Variants in CCNY observed in about 807,000 individuals in gnomAD.
The protein encoded by CCNY is cyclin Y.
CCNY carries 19 observed loss-of-function variants against 42.8 expected under a neutral mutation model. The observed-to-expected ratio is 0.44, with a 90% CI of 0.31 to 0.65. CCNY has a LOEUF of 0.65. CCNY is among the 30% of genes least tolerant of loss of function. CCNY has a pLI of 0.07. For missense variants in CCNY, 370 were observed against 437.3 expected, an observed-to-expected ratio of 0.85 and a Z score of 1.37; for synonymous variants, 165 against 162.7, an observed-to-expected ratio of 1.01 and a Z score of -0.11.
At chr10:35,504,589 T>A (rs1840176824) in intron 3 of CCNY, among the ~76,000 whole-genome samples, 1 of 152,194 alleles carries the variant, frequency 6.6e-6, no homozygotes, top group Non-Finnish European at 1.5e-5. Context: ...CACCTATGTT[T>A]TAGATGTAAT....
chr10:35,497,068 G>T (rs1302421359), intron 2 of CCNY, among the ~76,000 whole-genome samples: 1 of 152,166 alleles, frequency 6.6e-6, no homozygotes, highest in Non-Finnish European at 1.5e-5. Flanking sequence ...AACTATCATA[G>T]ATTGTGTCAA....
Position 35,426,111 on chromosome 10 carries a change from G to GCGCA in CCNY, c.155-57292_155-57291insGCAC, listed in dbSNP as rs1371722726. The stretch of plus-strand genomic sequence containing the variant: ...TTCTCCCTTCACTGGTCCAGCACGC[G>GCGCA]CACACACACACACACACACACACAC... On this transcript the variant is annotated intron_variant, in intron 1 of 9. Coordinates refer to ENST00000374704, the MANE Select transcript of CCNY (RefSeq NM_145012.6). Among the ~76,000 whole-genome samples the GCGCA allele has an allele frequency of 5.8e-3, 466 of 80,492 alleles. 11 individuals are homozygous for GCGCA. The highest frequency in any genetic ancestry group is 0.024 in the African/African-American group (442 of 18,800). 52.8% of individuals were successfully genotyped at this position (80,492 alleles called of 152,430 possible). A position where few individuals can be genotyped will look rare whatever the true frequency, so the allele number is the denominator to read the frequency against.
At chr10:35,335,241 C>T (rs1034801540), upstream of CCNY, among the ~76,000 whole-genome samples, 2 of 152,142 alleles carry the variant, frequency 1.3e-5, no homozygotes, top group African/African-American at 2.4e-5. Context: ...CTACTTCTCT[C>T]CCAGCCAGGC....
At chr10:35,388,961 T>G (rs985278911) in intron 1 of CCNY, among the ~76,000 whole-genome samples, 1 of 152,208 alleles carries the variant, frequency 6.6e-6, no homozygotes, top group Non-Finnish European at 1.5e-5. Flanking sequence ...CTCTTCTGCC[T>G]TCTTCTTCCA....
intron 1 of CCNY, among the ~76,000 whole-genome samples, chr10:35,383,432 C>T (rs909941520): frequency 2.0e-5 from 3 of 151,956 alleles, no homozygotes; most frequent in African/African-American, 7.3e-5. Context: ...CCCAGCCTCC[C>T]GAGTAGCTGG....
At chr10:35,250,940 T>C (rs1250706528) in intron 3 of CCNY, 1 of 152,232 alleles carries the variant, frequency 6.6e-6, no homozygotes, top group African/African-American at 2.4e-5. Context: ...TTAAGGTGAA[T>C]GTCATCTCAA....
At chr10:35,446,834 A>G (rs186451492) in intron 1 of CCNY, among the ~76,000 whole-genome samples, 4 of 152,194 alleles carry the variant, frequency 2.6e-5, no homozygotes, top group African/African-American at 9.7e-5. Context: ...GTAATAAGCA[A>G]TTTGTCTCTT....
chr10:35,269,511 C>A (rs1370313237), intron 3 of CCNY, among the ~76,000 whole-genome samples: 1 of 151,942 alleles, frequency 6.6e-6, no homozygotes, highest in East Asian at 1.9e-4. Flanking sequence ...GCCATGTTGG[C>A]CAGGCTGAGT....
intron 3 of CCNY, among the ~76,000 whole-genome samples, chr10:35,324,221 A>G (rs1835855107): frequency 6.6e-6 from 1 of 152,184 alleles, no homozygotes; most frequent in South Asian, 2.1e-4. Context: ...AGAGCTTTAC[A>G]GTACCTGCTT....
rs112500058 is a variant in CCNY, at chr10:35,317,546, C to T, written c.-9+66920C>T. 3.4e-3 allele frequency among the ~76,000 whole-genome samples: 512 copies of T among 152,318 alleles called. 4 individuals carry two copies. The highest frequency in any genetic ancestry group is 0.012 in the African/African-American group (482 of 41,572). ...GGTTTGAGTTAGGACCAGGAAAATT[C>T]CAAGCTGGTTTCTGACCTTTGAATC... On this transcript the variant is annotated intron_variant, in intron 3 of 11. Coordinates refer to the CCNY transcript ENST00000374706.
rs140347668 is a variant in CCNY, at chr10:35,360,584, A to C, written c.154+23377A>C. The stretch of plus-strand genomic sequence containing the variant: ...GGTGTGAGTCACTGTGCTCTGCCTA[A>C]ATTTTATCTTTTAAAAGTAGTATTT... On this transcript the variant is annotated intron_variant, in intron 1 of 9. Coordinates refer to ENST00000374704, the MANE Select transcript of CCNY (RefSeq NM_145012.6). Among the ~76,000 whole-genome samples, 501 of 151,738 alleles carry C rather than the reference A, an allele frequency of 3.3e-3. 4 individuals carry two copies. Among genetic ancestry groups the C allele is most frequent in the African/African-American group, 0.011 (473 of 41,388 alleles).
chr10:35,266,956 CA>C, intron 3 of CCNY, among the ~76,000 whole-genome samples: 1 of 151,894 alleles, frequency 6.6e-6, no homozygotes. Context: ...GTGGCAGGCA[CA>C]TGTAATCCCA....
At position 35,427,642 on chromosome 10, in the gene CCNY, A is replaced by G. The variant is rs1252769615; in HGVS notation, c.155-55762A>G. On this transcript the variant is annotated intron_variant, in intron 1 of 9. Transcript: ENST00000374704. ...ATACACACATACATATGTTACATAT[A>G]TAGAAGGAAAATTTGCTGTGACCCA... Among the ~76,000 whole-genome samples the G allele has an allele frequency of 3.9e-5, 6 of 152,266 alleles. 1 individual carries two copies. The South Asian group carries it at 1.0e-3, about 26-fold the overall frequency.
intron 1 of CCNY, among the ~76,000 whole-genome samples, chr10:35,341,961 C>T (rs1836191293): frequency 1.3e-5 from 2 of 152,196 alleles, no homozygotes; most frequent in East Asian, 1.9e-4. Context: ...GACTCAAATG[C>T]TCAATTAACC....
chr10:35,331,136 T>G (rs1448637518), intron 3 of CCNY, among the ~76,000 whole-genome samples: 3 of 152,220 alleles, frequency 2.0e-5, no homozygotes, highest in African/African-American at 7.2e-5. Flanking sequence ...TGTGGCCAGC[T>G]GTCATCTTTG....
At chr10:35,510,022 C>T (rs563691652) in intron 3 of CCNY, among the ~76,000 whole-genome samples, 52 of 152,250 alleles carry the variant, frequency 3.4e-4, no homozygotes, top group African/African-American at 1.3e-3. Context: ...CAAGGAATGC[C>T]AGTGCAAGTG....
intron 1 of CCNY, among the ~76,000 whole-genome samples, chr10:35,338,160 A>C (rs1836093114): frequency 6.6e-6 from 1 of 152,184 alleles, no homozygotes; most frequent in Non-Finnish European, 1.5e-5. Context: ...GGTTGAACTA[A>C]TATGAAGAAA....
rs1312165002 is a variant in CCNY at position 35,418,228 on chromosome 10, C to T, written c.155-65176C>T. ...GGAAGTAGGAAACTTTCTTCAGTGA[C>T]CTGGATGGAGAGTTTAGTGAGCTTT... On this transcript the variant is annotated intron_variant, in intron 1 of 9. Coordinates refer to ENST00000374704, the MANE Select transcript of CCNY (RefSeq NM_145012.6). 7.9e-5 allele frequency among the ~76,000 whole-genome samples: 12 copies of T among 152,050 alleles called. 1 individual carries two copies. The highest frequency in any genetic ancestry group is 7.2e-4 in the Admixed American group (11 of 15,270).
At chr10:35,339,952 CA>C in intron 1 of CCNY, among the ~76,000 whole-genome samples, 1 of 152,210 alleles carries the variant, frequency 6.6e-6, no homozygotes, top group Admixed American at 6.5e-5. Flanking sequence ...CAACACATAA[CA>C]ACAATAGTAA....
Sources: gnomAD v4.1 joint callset for allele counts (sites outside exome capture counted in the v4.1 genomes callset) on GRCh38, gnomAD v4.1.1 for gene constraint, MANE v1.5 for transcripts, NCBI Gene and HGNC (gene_info 2026-07-23, HGNC 2026-07-21) for gene names.